The following FAM91A1 variants were observed in gnomAD, a reference collection of about 807,000 sequenced individuals.
FAM91A1 encodes family with sequence similarity 91 member A1, also known as protein FAM91A1.
FAM91A1 carries 41 observed loss-of-function variants against 113.5 expected under a neutral mutation model. That is an observed-to-expected ratio of 0.36 (90% CI 0.28 to 0.47). The LOEUF is 0.47. FAM91A1 is among the 20% of genes least tolerant of loss of function. The probability of loss-of-function intolerance (pLI) is 1.00; values close to 1 mark genes in which losing one functional copy is unlikely to be tolerated. For missense variants in FAM91A1, 696 were observed against 1,001.2 expected (o/e 0.70, Z 4.11); for synonymous variants, 307 against 347.9 (o/e 0.88, Z 1.31).
chr8:123,803,150 C>T (rs1815727092), intron 18 of FAM91A1, among the ~76,000 whole-genome samples: 1 of 151,682 alleles, frequency 6.6e-6, no homozygotes, highest in Non-Finnish European at 1.5e-5. Context: ...TTTATAGTAA[C>T]AAATCTTTCT....
At chr8:123,810,227 C>G (rs540835637) in intron 22 of FAM91A1, 55 bp from the exon 23 acceptor site, 1 of 1,533,190 alleles carries the variant, frequency 6.5e-7, no homozygotes, top group East Asian at 2.3e-5. Context: ...TTATGAGAAA[C>G]TCATTCTTGC....
chr8:123,775,014 A>C, intron 2 of FAM91A1, 133 bp from the exon 3 acceptor site: 1 of 870,324 alleles, frequency 1.1e-6, no homozygotes, highest in South Asian at 2.5e-5. Flanking sequence ...GTTCCAACTT[A>C]GAATATTTTA....
intron 23 of FAM91A1, chr8:123,812,278 C>T (rs775414444): frequency 2.1e-5 from 7 of 338,342 alleles, no homozygotes; most frequent in Non-Finnish European, 2.1e-5. Flanking sequence ...CCCACAGTCT[C>T]GTAGCCTCTT....
intron 15 of FAM91A1, 89 bp from the exon 16 acceptor site, chr8:123,798,001 C>T: frequency 5.0e-6 from 7 of 1,410,324 alleles, no homozygotes; most frequent in East Asian, 4.8e-5. Flanking sequence ...AATTTAAAAT[C>T]TTAAGTCAGT....
At position 123,810,313 on chromosome 8, in the gene FAM91A1, C is replaced by G. The variant is rs1027628933; in HGVS notation, c.2293C>G (p.Leu765Val). 2 of 1,611,462 alleles carry G rather than the reference C, an allele frequency of 1.2e-6. No individual in the cohort carries two copies. The highest frequency in any genetic ancestry group is 1.7e-6 in the Non-Finnish European group (2 of 1,179,222). Residue 765 changes from leucine (L) to valine (V), a missense_variant, in exon 23 of 24, where the codon CTC (leucine) becomes GTC (valine). By Grantham distance (32) the Leu-to-Val change is conservative (BLOSUM62 1). Transcript: ENST00000334705. ...LQNLLHSSRKLSLQVLNFVHS... is the reference protein window; with the variant it reads ...LQNLLHSSRKVSLQVLNFVHS... ...AAACCTCTTACATTCCAGTAGAAAA[C>G]TCTCTCTGCAAGTCCTTAACTTTGT... is the stretch of plus-strand genomic sequence containing the variant.
rs192006267 is a variant in FAM91A1 at position 123,795,359 on chromosome 8, C to T, written c.1412-2731C>T. Among the ~76,000 whole-genome samples the T allele has an allele frequency of 2.2e-3, 332 of 152,204 alleles. 1 individual carries two copies. Among genetic ancestry groups the T allele is most frequent in the Non-Finnish European group, 1.3e-3 (86 of 68,010 alleles). ...GGTTGTTGGATCATGGGGGCAGTTTCTCATGGTTTAACACACCACCCCCCG... is the reference window on the plus strand; with the variant it reads ...GGTTGTTGGATCATGGGGGCAGTTTTTCATGGTTTAACACACCACCCCCCG... On this transcript the variant is annotated intron_variant, in intron 15 of 23. Transcript: ENST00000334705.
In FAM91A1 at chr8:123,815,220, T is replaced by G. The variant is rs1816045625; in HGVS notation, c.*2516T>G. 1 of 152,570 alleles carries G rather than the reference T, an allele frequency of 6.6e-6. No homozygotes were observed. Among genetic ancestry groups the G allele is most frequent in the Admixed American group, 6.6e-5 (1 of 15,264 alleles). The allele number at this position is 152,570 out of a possible 1,614,324, so 9.5% of individuals were successfully genotyped here. ...GGAGCGGAATATTGGTTTCTTTTAC[T>G]TGTTGTTTTCAGTTTTCTCTGCCAT... is the stretch of plus-strand genomic sequence containing the variant. On this transcript the variant is annotated 3_prime_UTR_variant, in exon 24 of 24. Coordinates refer to ENST00000334705, the MANE Select transcript of FAM91A1 (RefSeq NM_144963.4).
chr8:123,778,038 T>C lies in FAM91A1; in HGVS notation c.381T>C (p.Leu127=). The C allele has an allele frequency of 6.2e-7, 1 of 1,612,570 alleles. No homozygotes were observed. The highest frequency in any genetic ancestry group is 8.5e-7 in the Non-Finnish European group (1 of 1,179,202). Reference sequence around the variant, plus strand: ...TCTTTTTTTCAGGTCTAAGGCTTCTTGGCATAGGAAGAAACCAGTATATTG... The same window carrying C: ...TCTTTTTTTCAGGTCTAAGGCTTCTCGGCATAGGAAGAAACCAGTATATTG... The part of the protein sequence containing the change: ...NFTAADCLRL[L]GIGRNQYIDL... The change falls in exon 5 of 24, where the codon CTT becomes CTC. Residue 127 remains leucine, a synonymous_variant. Transcript: ENST00000334705.
chr8:123,812,296 T>C (rs572381247), intron 23 of FAM91A1: 80 of 375,200 alleles, frequency 2.1e-4, no homozygotes, highest in African/African-American at 1.4e-3. Context: ...CTTATTTCTA[T>C]TTAAAAGGAC....
intron 8 of FAM91A1, among the ~76,000 whole-genome samples, chr8:123,781,810 A>G (rs975115836): frequency 1.3e-5 from 2 of 152,202 alleles, no homozygotes; most frequent in African/African-American, 4.8e-5. Flanking sequence ...GCTTGGAAAG[A>G]TACCTTAAAA....
chr8:123,778,099 T>G lies in FAM91A1; in HGVS notation c.435+7T>G, dbSNP rs1421182679. On this transcript the variant is annotated splice_region_variant and intron_variant, in intron 5 of 23. Transcript: ENST00000334705. The stretch of plus-strand genomic sequence containing the variant: ...TCAGTGTAGATCATCAAAAGTAAGT[T>G]AGTACTTTCTTTTTCATTGTTTTGG... The G allele has an allele frequency of 6.3e-7, 1 of 1,596,568 alleles. No homozygotes were observed. Among genetic ancestry groups the G allele is most frequent in the African/African-American group, 1.4e-5 (1 of 73,888 alleles).
chr8:123,785,264 C>G, intron 10 of FAM91A1, 145 bp downstream of exon 10: 1 of 698,314 alleles, frequency 1.4e-6, no homozygotes, highest in Admixed American at 2.9e-5. Context: ...TAAAGGGGCA[C>G]TTGCAAAGAC....
chr8:123,798,691 A>G (rs912954875), intron 16 of FAM91A1, among the ~76,000 whole-genome samples: 3 of 152,222 alleles, frequency 2.0e-5, no homozygotes, highest in African/African-American at 4.8e-5. Flanking sequence ...AAATATATAT[A>G]TATCAGTTGT....
intron 1 of FAM91A1, among the ~76,000 whole-genome samples, chr8:123,770,910 T>C (rs910369903): frequency 7.2e-5 from 11 of 152,230 alleles, no homozygotes; most frequent in Admixed American, 6.5e-5. Context: ...TTCTCTAGCC[T>C]AATCACTGCT....
chr8:123,777,369 T>TTG, intron 4 of FAM91A1, 47 bp downstream of exon 4: 1 of 1,511,366 alleles, frequency 6.6e-7, no homozygotes, highest in Non-Finnish European at 9.1e-7. Context: ...GGTTGTGTCT[T>TTG]TGTGCATCCT....
intron 10 of FAM91A1, 93 bp from the exon 11 acceptor site, chr8:123,785,536 C>T (rs1169260572): frequency 1.2e-6 from 1 of 816,530 alleles, no homozygotes; most frequent in East Asian, 2.7e-5. Flanking sequence ...GTTTGAGAAT[C>T]ACTATTAGTC....
chr8:123,798,079 T>C lies in FAM91A1; in HGVS notation c.1412-11T>C. The C allele has an allele frequency of 6.2e-7, 1 of 1,609,256 alleles. No individual in the cohort carries two copies. The highest frequency in any genetic ancestry group is 8.5e-7 in the Non-Finnish European group (1 of 1,177,956). ...TCTTTTATTCTGTGTGTGTGCTTGA[T>C]CATAACTCAGGTTTTCCTCTGGATC... On this transcript the variant is annotated splice_polypyrimidine_tract_variant and intron_variant, in intron 15 of 23. Transcript: ENST00000334705.
intron 15 of FAM91A1, among the ~76,000 whole-genome samples, chr8:123,790,356 G>A (rs1040956797): frequency 2.0e-5 from 3 of 152,082 alleles, no homozygotes; most frequent in African/African-American, 7.2e-5. Flanking sequence ...ACCCAGATGG[G>A]GATTTGGATT....
At chr8:123,794,501 C>T (rs1815460736) in intron 15 of FAM91A1, among the ~76,000 whole-genome samples, 1 of 152,206 alleles carries the variant, frequency 6.6e-6, no homozygotes, top group African/African-American at 2.4e-5. Context: ...ATAGAATTAC[C>T]TGTAGTACAT....
Sources: allele counts gnomAD v4.1 joint callset (sites outside exome capture counted in the v4.1 genomes callset), GRCh38; gene constraint gnomAD v4.1.1; transcripts MANE v1.5; gene names NCBI Gene and HGNC (gene_info 2026-07-23, HGNC 2026-07-21).